The following MAP4K3 variants were observed in gnomAD, a reference collection of about 807,000 sequenced individuals.
The protein encoded by MAP4K3 is mitogen-activated protein kinase kinase kinase kinase 3.
A neutral mutation model predicts 143.5 loss-of-function variants in MAP4K3; 94 were observed. The observed-to-expected ratio is 0.65, with a 90% CI of 0.55 to 0.78. The LOEUF is 0.78. Among genes scored for constraint, MAP4K3 ranks in the 30% least tolerant of loss-of-function variants. MAP4K3 has a pLI of 0.00. For missense variants in MAP4K3, 1,077 were observed against 1,068.1 expected (o/e 1.01, Z -0.12); for synonymous variants, 416 against 347.2 (o/e 1.20, Z -2.20).
chr2:39,302,918 A>G (rs562013004), intron 15 of MAP4K3, among the ~76,000 whole-genome samples: 12 of 152,352 alleles, frequency 7.9e-5, no homozygotes, highest in Admixed American at 3.3e-4. Flanking sequence ...GACTATTTCT[A>G]AATTTCAGAT....
At chr2:39,407,917 G>A (rs1333360332) in intron 1 of MAP4K3, among the ~76,000 whole-genome samples, 2 of 151,660 alleles carry the variant, frequency 1.3e-5, no homozygotes, top group African/African-American at 4.9e-5. Flanking sequence ...CCCTATTTTG[G>A]GAAAAAAATG....
At chr2:39,343,244 C>T (rs1463567939) in intron 4 of MAP4K3, 144 bp downstream of exon 4, 9 of 484,584 alleles carry the variant, frequency 1.9e-5, no homozygotes, top group African/African-American at 9.9e-5. Flanking sequence ...CCACCTATAT[C>T]TAAAATACCT....
Position 39,292,753 on chromosome 2 carries a change from A to T in MAP4K3, c.1271+20T>A. The T allele has an allele frequency of 1.2e-6, 2 of 1,608,322 alleles. No homozygotes were observed. Among genetic ancestry groups the T allele is most frequent in the South Asian group, 2.2e-5 (2 of 90,794 alleles). On this transcript the variant is annotated intron_variant, in intron 18 of 33. Coordinates refer to ENST00000263881, the MANE Select transcript of MAP4K3 (RefSeq NM_003618.4). ...CAAATGACACCTTTTCTTTTTACCA[A>T]AAACAGAGACAGAACTTACTGTTTA...
In MAP4K3 at chr2:39,406,754, G is replaced by T. The variant is rs1048573161; in HGVS notation, c.97-28631C>A. 4.7e-4 allele frequency among the ~76,000 whole-genome samples: 71 copies of T among 152,048 alleles called. 1 individual carries two copies. The Middle Eastern group carries it at 0.01, about 22-fold the overall frequency. On this transcript the variant is annotated intron_variant, in intron 1 of 33. Coordinates refer to ENST00000263881, the MANE Select transcript of MAP4K3 (RefSeq NM_003618.4). ...GGAGTACTTCAATCAGAAAAAAAAA[G>T]GATGCTAATCAGCAACAAGAAATCA... is the stretch of plus-strand genomic sequence containing the variant.
In MAP4K3 at chr2:39,274,221, CTTTT is replaced by C. The variant is rs1300897706; in HGVS notation, c.1795-1683_1795-1680del. On this transcript the variant is annotated intron_variant, in intron 24 of 33. Transcript: ENST00000263881. ...TTCATTTTGAATTTTCTTTCTCTCT[CTTTT>C]TTTTTTTTTGAGATGGAGTCTCGCT... Among the ~76,000 whole-genome samples the C allele has an allele frequency of 4.7e-5, 7 of 148,584 alleles. No individual in the cohort carries two copies. The South Asian group carries it at 1.5e-3, about 31-fold the overall frequency.
chr2:39,341,984 G>T (rs889525589), intron 4 of MAP4K3, among the ~76,000 whole-genome samples: 1 of 151,762 alleles, frequency 6.6e-6, no homozygotes, highest in South Asian at 2.1e-4. Flanking sequence ...TCTTTCACCT[G>T]GTCTTCAAGG....
intron 24 of MAP4K3, among the ~76,000 whole-genome samples, chr2:39,277,009 T>C (rs1681285662): frequency 6.6e-6 from 1 of 152,392 alleles, no homozygotes; most frequent in East Asian, 1.9e-4. Flanking sequence ...ATGTGAATTA[T>C]ATCTCGATAA....
intron 1 of MAP4K3, among the ~76,000 whole-genome samples, chr2:39,381,966 G>A (rs1160479161): frequency 6.6e-6 from 1 of 152,142 alleles, no homozygotes; most frequent in Non-Finnish European, 1.5e-5. Flanking sequence ...CATAGGTTCT[G>A]GGTAACCTTT....
intron 3 of MAP4K3, among the ~76,000 whole-genome samples, chr2:39,352,215 C>T (rs1237763136): frequency 1.3e-5 from 2 of 151,996 alleles, no homozygotes; most frequent in South Asian, 2.1e-4. Flanking sequence ...CTCTAGAACT[C>T]GGGAGGTGGA....
intron 13 of MAP4K3, among the ~76,000 whole-genome samples, chr2:39,311,806 C>T (rs1682946429): frequency 6.6e-6 from 1 of 152,156 alleles, no homozygotes; most frequent in African/African-American, 2.4e-5. Flanking sequence ...GCTAACCTGT[C>T]CTGGATTCCT....
intron 4 of MAP4K3, among the ~76,000 whole-genome samples, chr2:39,341,151 T>C (rs553017712): frequency 6.6e-6 from 1 of 152,046 alleles, no homozygotes; most frequent in South Asian, 2.1e-4. Flanking sequence ...AAAAAGCAAT[T>C]AGAGATAAGA....
intron 2 of MAP4K3, 79 bp from the exon 3 acceptor site, chr2:39,356,418 A>G (rs1665612593): frequency 8.0e-6 from 6 of 752,528 alleles, no homozygotes; most frequent in South Asian, 1.6e-5. Flanking sequence ...CAATAAAATA[A>G]TTATACGTAT....
At chr2:39,320,815 T>C (rs554338471) in intron 12 of MAP4K3, among the ~76,000 whole-genome samples, 2 of 152,318 alleles carry the variant, frequency 1.3e-5, no homozygotes, top group South Asian at 4.1e-4. Flanking sequence ...AATGCTACCT[T>C]TGAAGCTATT....
At chr2:39,282,237 C>T (rs1310481735) in intron 22 of MAP4K3, among the ~76,000 whole-genome samples, 1 of 151,620 alleles carries the variant, frequency 6.6e-6, no homozygotes, top group Non-Finnish European at 1.5e-5. Context: ...GTAGTTTATG[C>T]CTATAATCAC....
At chr2:39,253,414 G>C (rs867175618) in intron 32 of MAP4K3, among the ~76,000 whole-genome samples, 10 of 152,284 alleles carry the variant, frequency 6.6e-5, no homozygotes, top group South Asian at 2.1e-4. Flanking sequence ...GTACAGGCGT[G>C]AGCCAACATG....
intron 2 of MAP4K3, among the ~76,000 whole-genome samples, chr2:39,369,198 T>TTTTTTG (rs1666009842): frequency 1.7e-5 from 1 of 59,812 alleles, no homozygotes; most frequent in Non-Finnish European, 3.6e-5. Flanking sequence ...GGCTAGTTTT[T>TTTTTTG]TTTTTTGTTT....
intron 2 of MAP4K3, among the ~76,000 whole-genome samples, chr2:39,360,126 G>A (rs1294746174): frequency 6.6e-6 from 1 of 152,090 alleles, no homozygotes; most frequent in Non-Finnish European, 1.5e-5. Context: ...CCTCTTGAAC[G>A]CTTGGCTCCT....
intron 11 of MAP4K3, 41 bp from the exon 12 acceptor site, chr2:39,325,669 C>T (rs377295058): frequency 8.0e-5 from 125 of 1,561,000 alleles, no homozygotes; most frequent in Non-Finnish European, 1.0e-4. Flanking sequence ...TACTATAAAT[C>T]TGATTGAATA....
intron 26 of MAP4K3, among the ~76,000 whole-genome samples, chr2:39,269,418 TAA>T (rs1473302001): frequency 6.7e-6 from 1 of 148,888 alleles, no homozygotes; most frequent in Non-Finnish European, 1.5e-5. Context: ...GTCCCTCCAA[TAA>T]AGAGGTAGGT....
Sources: gnomAD v4.1 joint callset for allele counts (sites outside exome capture counted in the v4.1 genomes callset) on GRCh38, gnomAD v4.1.1 for gene constraint, MANE v1.5 for transcripts, NCBI Gene and HGNC (gene_info 2026-07-23, HGNC 2026-07-21) for gene names.